TBC1D4: variants seen among roughly 807,000 people sequenced by gnomAD.
TBC1D4 encodes the protein TBC (Tre-2, BUB2, CDC16) domain-containing protein.
A neutral mutation model predicts 142.5 loss-of-function variants in TBC1D4; 121 were observed. The ratio of observed to expected loss-of-function variants is 0.85; its 90% CI spans 0.73 to 0.99. The LOEUF (loss-of-function observed/expected upper bound fraction) is 0.99, where lower values mean the gene tolerates loss of function less well. Ranked by LOEUF, TBC1D4 falls within the 50% of genes least tolerant of loss-of-function variation. The pLI is 0.00. For synonymous variants in TBC1D4, 630 were observed against 628.2 expected (o/e 1.00, Z -0.04); for missense variants, 1,475 against 1,606.6 (o/e 0.92, Z 1.40).
At chr13:75,320,902 T>C (rs759698764) in intron 11 of TBC1D4, among the ~76,000 whole-genome samples, 3 of 144,930 alleles carry the variant, frequency 2.1e-5, no homozygotes, top group Admixed American at 1.4e-4. Flanking sequence ...TAGCCGGGCA[T>C]GGTGGCGGGC....
At chr13:75,316,866 A>T (rs1878356900) in intron 12 of TBC1D4, among the ~76,000 whole-genome samples, 1 of 152,228 alleles carries the variant, frequency 6.6e-6, no homozygotes, top group African/African-American at 2.4e-5. Context: ...CTTAGGTAAG[A>T]AAGCATAATG....
At chr13:75,348,960 T>A (rs571312323) in intron 5 of TBC1D4, among the ~76,000 whole-genome samples, 5,499 of 137,446 alleles carry the variant, frequency 0.04, 92 homozygotes, top group South Asian at 0.09. Context: ...AGAGAGTGTG[T>A]GTGTGTGTGT....
At chr13:75,421,957 T>A (rs1886190260) in intron 1 of TBC1D4, among the ~76,000 whole-genome samples, 1 of 152,138 alleles carries the variant, frequency 6.6e-6, no homozygotes, top group Non-Finnish European at 1.5e-5. Context: ...ACATTTCGGG[T>A]ATTAAATACT....
At chr13:75,481,214 G>GGA in intron 1 of TBC1D4, 56 bp downstream of exon 1, 1 of 1,029,772 alleles carries the variant, frequency 9.7e-7, no homozygotes, top group Non-Finnish European at 1.4e-6. Context: ...CTCCCGCCCT[G>GGA]CTCCCCGATC....
chr13:75,286,690 G>A lies in TBC1D4; in HGVS notation c.*102C>T. 8.5e-7 allele frequency: 1 copy of A among 1,177,758 alleles called. No homozygotes were observed. The allele number at this position is 1,177,758 out of a possible 1,614,324, so 73.0% of individuals were successfully genotyped here. On this transcript the variant is annotated 3_prime_UTR_variant, in exon 21 of 21. Coordinates refer to ENST00000377636, the MANE Select transcript of TBC1D4 (RefSeq NM_014832.5). ...AGGCGCTCAGCACCAGTATTAGGTGGTTCCATCAGCTTCAGGGTCCAGCCT... is the reference window on the plus strand; with the variant it reads ...AGGCGCTCAGCACCAGTATTAGGTGATTCCATCAGCTTCAGGGTCCAGCCT...
chr13:75,320,727 TA>T (rs1878680471), intron 11 of TBC1D4, among the ~76,000 whole-genome samples: 2 of 151,738 alleles, frequency 1.3e-5, no homozygotes, highest in South Asian at 4.1e-4. Context: ...AATGTGCTTT[TA>T]AAAAAGTAAT....
chr13:75,288,808 G>A, intron 20 of TBC1D4, 126 bp downstream of exon 20: 1 of 1,027,754 alleles, frequency 9.7e-7, no homozygotes, highest in Non-Finnish European at 1.5e-6. Flanking sequence ...CACTTGGACA[G>A]TCTGATACAT....
chr13:75,324,376 A>G lies in TBC1D4; in HGVS notation c.2059T>C (p.Tyr687His). The change falls in exon 11 of 21, where the codon TAC (tyrosine) becomes CAC (histidine). Residue 687 changes from tyrosine to histidine, a missense_variant. This residue lies in a region of TBC1D4 where 1,227 missense variants were observed against 1,267.7 expected (regional missense o/e 0.97). Coordinates refer to ENST00000377636, the MANE Select transcript of TBC1D4 (RefSeq NM_014832.5). The part of the protein sequence containing the change: ...CSNLSSVRRM[Y>H]KESNSSSSLP... ...CTGGAGGAAGAATTACTCTCCTTGTACATGCGTCGAACTGACGAAAGATTG... is the reference window on the plus strand; with the variant it reads ...CTGGAGGAAGAATTACTCTCCTTGTGCATGCGTCGAACTGACGAAAGATTG... 13 of 1,614,034 alleles carry G rather than the reference A, an allele frequency of 8.1e-6. No homozygotes were observed. The highest frequency in any genetic ancestry group is 1.1e-5 in the Non-Finnish European group (13 of 1,179,916).
rs533138114 is a variant in TBC1D4, at chr13:75,400,495, T to C, written c.499-37888A>G. 2.6e-5 allele frequency among the ~76,000 whole-genome samples: 4 copies of C among 151,888 alleles called. No individual in the cohort carries two copies. In the South Asian group the frequency reaches 8.4e-4, roughly 32 times the overall value. On this transcript the variant is annotated intron_variant, in intron 1 of 20. Coordinates refer to ENST00000377636, the MANE Select transcript of TBC1D4 (RefSeq NM_014832.5). Reference sequence around the variant, plus strand: ...TTTTTTGAGACAGAGTCTCACTCTATTGCCCAGGCTGGAGGGCAGTGGCGT... The same window carrying C: ...TTTTTTGAGACAGAGTCTCACTCTACTGCCCAGGCTGGAGGGCAGTGGCGT...
chr13:75,474,508 G>A (rs1001186843), intron 1 of TBC1D4, among the ~76,000 whole-genome samples: 5 of 152,152 alleles, frequency 3.3e-5, no homozygotes, highest in African/African-American at 9.7e-5. Context: ...GCAGTGAGCC[G>A]AGATTGCGCC....
chr13:75,442,523 GA>G (rs893657978), intron 1 of TBC1D4, among the ~76,000 whole-genome samples: 7 of 150,350 alleles, frequency 4.7e-5, no homozygotes, highest in Middle Eastern at 3.4e-3. Context: ...TTTGGTAGGG[GA>G]AAAAAAAACA....
At chr13:75,462,364 T>C (rs1888006429) in intron 1 of TBC1D4, among the ~76,000 whole-genome samples, 1 of 152,026 alleles carries the variant, frequency 6.6e-6, no homozygotes, top group Non-Finnish European at 1.5e-5. Context: ...GTACATTACC[T>C]CAAAAAATAG....
rs377413134 is a variant in TBC1D4 at position 75,445,547 on chromosome 13, T to C, written c.498+35723A>G. On this transcript the variant is annotated intron_variant, in intron 1 of 20. Coordinates refer to ENST00000377636, the MANE Select transcript of TBC1D4 (RefSeq NM_014832.5). ...CCTTTCTAAACTGTAAAATCTTCTA[T>C]AAAATAAGGTCATGGAGCACTAAAA... is the stretch of plus-strand genomic sequence containing the variant. Among the ~76,000 whole-genome samples the C allele has an allele frequency of 3.3e-5, 5 of 152,272 alleles. No homozygotes were observed. The East Asian group carries it at 9.6e-4, about 29-fold the overall frequency.
At chr13:75,312,424 A>AAAAAGAAAGAAAGAAAG (rs1555301657) in intron 13 of TBC1D4, among the ~76,000 whole-genome samples, 1 of 136,004 alleles carries the variant, frequency 7.4e-6, no homozygotes, top group Admixed American at 7.0e-5. Flanking sequence ...GGGAAAAAAA[A>AAAAAGAAAGAAAGAAAG]AAAGAAAGAA....
intron 18 of TBC1D4, 102 bp from the exon 19 acceptor site, chr13:75,292,373 T>C (rs905419720): frequency 2.9e-6 from 3 of 1,032,206 alleles, no homozygotes; most frequent in Middle Eastern, 6.0e-4. Flanking sequence ...TTTTATGTAT[T>C]TTGCAGAAGA....
intron 1 of TBC1D4, among the ~76,000 whole-genome samples, chr13:75,445,226 A>G (rs376941287): frequency 6.6e-6 from 1 of 152,234 alleles, no homozygotes; most frequent in Non-Finnish European, 1.5e-5. Context: ...AAATTTAAAT[A>G]ATCTATGTGT....
intron 1 of TBC1D4, among the ~76,000 whole-genome samples, chr13:75,365,466 G>A (rs1047965340): frequency 2.0e-5 from 3 of 151,920 alleles, no homozygotes; most frequent in Admixed American, 1.3e-4. Context: ...TATCCATAGC[G>A]GGGAAATGAG....
At chr13:75,481,205 T>G in intron 1 of TBC1D4, 65 bp downstream of exon 1, 13 of 710,702 alleles carry the variant, frequency 1.8e-5, no homozygotes, top group East Asian at 4.9e-5. Context: ...TCCCCGCCCC[T>G]CCCGCCCTGC....
At chr13:75,411,755 C>G (rs1194785684) in intron 1 of TBC1D4, among the ~76,000 whole-genome samples, 1 of 151,386 alleles carries the variant, frequency 6.6e-6, no homozygotes, top group Non-Finnish European at 1.5e-5. Flanking sequence ...CCAGGCTGGT[C>G]TCGAACTCCT....
Sources: allele counts gnomAD v4.1 joint callset (sites outside exome capture counted in the v4.1 genomes callset), GRCh38; gene constraint gnomAD v4.1.1; regional missense constraint gnomAD v4.1.1; transcripts MANE v1.5; gene names NCBI Gene and HGNC (gene_info 2026-07-23, HGNC 2026-07-21).